The following SERGEF variants were observed in gnomAD, a reference collection of about 807,000 sequenced individuals.
The protein encoded by SERGEF is secretion regulating guanine nucleotide exchange factor.
Under a neutral mutation model 50.0 loss-of-function variants are expected in SERGEF, and 51 were observed. The ratio of observed to expected loss-of-function variants is 1.02; its 90% confidence interval spans 0.81 to 1.29. The LOEUF (loss-of-function observed/expected upper bound fraction) is 1.29, where lower values mean the gene tolerates loss of function less well. Among genes scored for constraint, SERGEF ranks in the 50% most tolerant of loss-of-function variants. SERGEF has a pLI of 0.00. For synonymous variants in SERGEF, 205 were observed against 212.4 expected (o/e 0.97, Z 0.30); for missense variants, 521 against 557.0 (o/e 0.94, Z 0.65).
At chr11:17,907,163 CAAA>C (rs200442630) in intron 9 of SERGEF, among the ~76,000 whole-genome samples, 2 of 116,806 alleles carry the variant, frequency 1.7e-5, no homozygotes. Flanking sequence ...AACTTATGAC[CAAA>C]AAAAAAAAAA....
chr11:17,862,987 T>C (rs1850953448), intron 10 of SERGEF, among the ~76,000 whole-genome samples: 1 of 152,198 alleles, frequency 6.6e-6, no homozygotes, highest in African/African-American at 2.4e-5. Context: ...ATATTAAAAG[T>C]TCAGTTTATG....
intron 10 of SERGEF, chr11:17,855,734 G>A (rs1850805602): frequency 6.6e-6 from 1 of 152,204 alleles, no homozygotes; most frequent in South Asian, 2.1e-4. Flanking sequence ...CTGCAGATAA[G>A]GGGAACTACT....
intron 8 of SERGEF, among the ~76,000 whole-genome samples, chr11:17,960,223 G>C (rs1347261306): frequency 1.3e-5 from 2 of 152,142 alleles, no homozygotes; most frequent in Non-Finnish European, 2.9e-5. Flanking sequence ...ATGTGTGCTA[G>C]AGGGAAGGGA....
At chr11:17,866,164 A>G (rs1425321009) in intron 10 of SERGEF, among the ~76,000 whole-genome samples, 1 of 152,204 alleles carries the variant, frequency 6.6e-6, no homozygotes, top group African/African-American at 2.4e-5. Context: ...ATCAGGCACC[A>G]TCTCCTTCTG....
rs113110842 is a variant in SERGEF, at chr11:17,998,593, C to T, written c.508+1904G>A. Among the ~76,000 whole-genome samples, 853 of 148,154 alleles carry T rather than the reference C, an allele frequency of 5.8e-3. 11 individuals are homozygous for T. The highest frequency in any genetic ancestry group is 0.02 in the African/African-American group (806 of 40,106). ...ATACAGTCATGGGAAGAACTGTATCCCCCTAAAATTCAGATGTTGAAATTG... is the reference window on the plus strand; with the variant it reads ...ATACAGTCATGGGAAGAACTGTATCTCCCTAAAATTCAGATGTTGAAATTG... On this transcript the variant is annotated intron_variant, in intron 5 of 10. Transcript: ENST00000265965.
At chr11:17,995,950 T>C (rs201915628) in intron 5 of SERGEF, 41 bp from the exon 6 acceptor site, 1 of 1,413,558 alleles carries the variant, frequency 7.1e-7, no homozygotes, top group East Asian at 2.3e-5. Flanking sequence ...AAGATGCACA[T>C]CAGGATAAGA....
intron 10 of SERGEF, among the ~76,000 whole-genome samples, chr11:17,809,254 C>T (rs1250799989): frequency 6.6e-6 from 1 of 152,098 alleles, no homozygotes; most frequent in Non-Finnish European, 1.5e-5. Flanking sequence ...GGTAGTTCCA[C>T]TTGGTGGAAG....
chr11:17,911,345 T>A (rs1435010848), intron 9 of SERGEF, among the ~76,000 whole-genome samples: 1 of 146,586 alleles, frequency 6.8e-6, no homozygotes, highest in South Asian at 2.1e-4. Flanking sequence ...ATATTATATA[T>A]AATATATATA....
chr11:17,957,250 C>T (rs1852895231), intron 9 of SERGEF, among the ~76,000 whole-genome samples: 1 of 152,210 alleles, frequency 6.6e-6, no homozygotes, highest in South Asian at 2.1e-4. Context: ...GTGCTGCATA[C>T]TGTGGCTACC....
intron 6 of SERGEF, among the ~76,000 whole-genome samples, chr11:17,993,652 T>C (rs531617409): frequency 7.7e-4 from 117 of 152,328 alleles, no homozygotes; most frequent in Non-Finnish European, 1.0e-3. Flanking sequence ...TCTGTAACTT[T>C]TTTTTCTGAC....
intron 10 of SERGEF, among the ~76,000 whole-genome samples, chr11:17,847,579 C>T (rs1329228542): frequency 6.6e-6 from 1 of 152,184 alleles, no homozygotes; most frequent in Non-Finnish European, 1.5e-5. Context: ...GTCTTTGGCA[C>T]AGAAGAGGAG....
intron 8 of SERGEF, 78 bp downstream of exon 8, chr11:17,988,518 AC>A (rs1375265141): frequency 2.1e-6 from 3 of 1,422,988 alleles, no homozygotes; most frequent in Non-Finnish European, 2.9e-6. Context: ...AAAAGGCTTA[AC>A]CCCAAGCACT....
intron 8 of SERGEF, among the ~76,000 whole-genome samples, chr11:17,981,448 GCA>G (rs771489467): frequency 6.6e-6 from 1 of 152,208 alleles, no homozygotes; most frequent in Non-Finnish European, 1.5e-5. Flanking sequence ...AATTAGAATA[GCA>G]GGCTTGGGGA....
intron 10 of SERGEF, among the ~76,000 whole-genome samples, chr11:17,846,050 G>T (rs945847963): frequency 6.6e-6 from 1 of 152,198 alleles, no homozygotes; most frequent in African/African-American, 2.4e-5. Context: ...GGAGGTAGGG[G>T]CAGATAAGAC....
rs11024436 is a variant in SERGEF, at chr11:17,939,240, A to G, written c.1011+20230T>C. On this transcript the variant is annotated intron_variant, in intron 9 of 10. Transcript: ENST00000265965. The stretch of plus-strand genomic sequence containing the variant: ...GGGAAGGTTGGGGTAGAGAAAAGAC[A>G]TAAGAATAGAAAAGCATTAATAGTA... 1.3e-4 allele frequency among the ~76,000 whole-genome samples: 20 copies of G among 152,344 alleles called. No individual in the cohort carries two copies. The East Asian group carries it at 3.9e-3, about 29-fold the overall frequency.
intron 9 of SERGEF, among the ~76,000 whole-genome samples, chr11:17,906,968 G>A (rs905220647): frequency 2.8e-4 from 42 of 152,094 alleles, no homozygotes; most frequent in African/African-American, 9.7e-4. Flanking sequence ...TTGGGCCCTA[G>A]ATGAGACTTT....
At chr11:17,898,476 C>G (rs562531257) in intron 9 of SERGEF, among the ~76,000 whole-genome samples, 7 of 152,316 alleles carry the variant, frequency 4.6e-5, no homozygotes, top group Non-Finnish European at 1.0e-4. Context: ...ACTAACCTCA[C>G]AGGACTATCC....
intron 5 of SERGEF, chr11:17,999,630 A>G (rs775851602): frequency 2.4e-5 from 11 of 450,336 alleles, no homozygotes; most frequent in Non-Finnish European, 4.5e-5. Context: ...TAAAAGGGTC[A>G]CCATTCTCCC....
chr11:17,853,819 T>G (rs1850759449), intron 10 of SERGEF: 1 of 151,732 alleles, frequency 6.6e-6, no homozygotes, highest in South Asian at 2.1e-4. Context: ...GCAAAACCTG[T>G]CCCTACTAAA....
Sources: allele counts gnomAD v4.1 joint callset (sites outside exome capture counted in the v4.1 genomes callset), GRCh38; gene constraint gnomAD v4.1.1; transcripts MANE v1.5; gene names NCBI Gene and HGNC (gene_info 2026-07-23, HGNC 2026-07-21).